The following SCUBE3 variants were observed in gnomAD, a reference collection of about 807,000 sequenced individuals.
SCUBE3 encodes signal peptide, CUB domain and EGF like domain containing 3, also known as signal peptide, CUB and EGF-like domain-containing protein 3.
Under a neutral mutation model 116.8 loss-of-function variants are expected in SCUBE3, and 33 were observed. The ratio of observed to expected loss-of-function variants is 0.28; its 90% confidence interval spans 0.21 to 0.38. The LOEUF (loss-of-function observed/expected upper bound fraction) is 0.38, where lower values mean the gene tolerates loss of function less well. SCUBE3 is among the 10% of genes least tolerant of loss of function. SCUBE3 has a pLI of 1.00. For missense variants in SCUBE3, 1,007 were observed against 1,324.8 expected (o/e 0.76, Z 3.72); for synonymous variants, 418 against 496.9 (o/e 0.84, Z 2.11).
Position 35,243,375 on chromosome 6 carries a change from C to A in SCUBE3, c.1909+139C>A. 1.1e-6 allele frequency: 1 copy of A among 896,642 alleles called. No individual in the cohort carries two copies. The highest frequency in any genetic ancestry group is 1.7e-6 in the Non-Finnish European group (1 of 585,038). 55.5% of individuals were successfully genotyped at this position (896,642 alleles called of 1,614,324 possible). On this transcript the variant is annotated intron_variant, in intron 15 of 21. Coordinates refer to ENST00000274938, the MANE Select transcript of SCUBE3 (RefSeq NM_152753.4). This position sits in a 1 kb window ranked among gnomAD's most constrained non-coding sequence, Gnocchi z 6.6. ...TGCTCCTGCCCGCTGTCCTCCCTTC[C>A]TTGGTTCCAGGCTGAAATCTAGAAG... is the stretch of plus-strand genomic sequence containing the variant.
intron 3 of SCUBE3, among the ~76,000 whole-genome samples, chr6:35,230,918 G>C (rs538607481): frequency 6.6e-6 from 1 of 152,310 alleles, no homozygotes; most frequent in South Asian, 2.1e-4. Context: ...AGCTAGCATA[G>C]AGATGGAATC....
chr6:35,239,567 C>G lies in SCUBE3; in HGVS notation c.830-185C>G, dbSNP rs1783936994. On this transcript the variant is annotated intron_variant, in intron 7 of 21. Transcript: ENST00000274938. This position sits in a 1 kb window ranked among gnomAD's most constrained non-coding sequence, Gnocchi z 4.1. ...ACAGATCCCCTGAACAGGGAAGAAA[C>G]AGAGACAGGAAAGAGAGAGAGAGAC... is the stretch of plus-strand genomic sequence containing the variant. 6.6e-6 allele frequency among the ~76,000 whole-genome samples: 1 copy of G among 151,884 alleles called. No homozygotes were observed. Among genetic ancestry groups the G allele is most frequent in the Non-Finnish European group, 1.5e-5 (1 of 67,998 alleles).
At chr6:35,236,629 T>G (rs778700491) in intron 6 of SCUBE3, among the ~76,000 whole-genome samples, 17 of 152,180 alleles carry the variant, frequency 1.1e-4, no homozygotes, top group Non-Finnish European at 1.8e-4. Context: ...CAGGGACCCA[T>G]AGAGTTAGGC....
In SCUBE3 at chr6:35,241,009, C is replaced by A; in HGVS notation, c.1070-132C>A. The A allele has an allele frequency of 1.2e-6, 1 of 820,630 alleles. No individual in the cohort carries two copies. Among genetic ancestry groups the A allele is most frequent in the South Asian group, 1.8e-5 (1 of 56,898 alleles). 50.8% of individuals were successfully genotyped at this position (820,630 alleles called of 1,614,324 possible). ...ATAGGCACACTGTTGTACAGTAGATCTCTCGAACTTATTCATCTTGCGTAA... is the reference window on the plus strand; with the variant it reads ...ATAGGCACACTGTTGTACAGTAGATATCTCGAACTTATTCATCTTGCGTAA... On this transcript the variant is annotated intron_variant, in intron 9 of 21. Coordinates refer to ENST00000274938, the MANE Select transcript of SCUBE3 (RefSeq NM_152753.4). This position sits in a 1 kb window ranked among gnomAD's most constrained non-coding sequence, Gnocchi z 4.1.
At chr6:35,246,525 A>G (rs1408574678) in intron 21 of SCUBE3, among the ~76,000 whole-genome samples, 1 of 152,180 alleles carries the variant, frequency 6.6e-6, no homozygotes, top group East Asian at 1.9e-4. Context: ...CGTCACCCAC[A>G]CTATATTACA....
At chr6:35,236,543 T>C (rs1395459590) in intron 6 of SCUBE3, among the ~76,000 whole-genome samples, 1 of 152,108 alleles carries the variant, frequency 6.6e-6, no homozygotes, top group Non-Finnish European at 1.5e-5. Context: ...GAGACTAAAG[T>C]GGAAATGGCA....
At chr6:35,242,806 GA>G in intron 14 of SCUBE3, 26 bp downstream of exon 14, 1 of 1,609,016 alleles carries the variant, frequency 6.2e-7, no homozygotes, top group African/African-American at 1.3e-5. Context: ...CTGTTGGGAA[GA>G]GGACTGGAAG....
chr6:35,246,347 A>G, intron 21 of SCUBE3, 62 bp downstream of exon 21: 1 of 1,199,412 alleles, frequency 8.3e-7, no homozygotes, highest in East Asian at 2.3e-5. Context: ...ATATATAGGC[A>G]ATAGGCTAAG....
In SCUBE3 at chr6:35,241,790, A is replaced by C. The variant is rs991399693; in HGVS notation, c.1313-16A>C. ...TGGGAAGGCAGGTCAGAACTGTGACAGGCTCCTTTTCTCAGAGTCTGAGAA... is the reference window on the plus strand; with the variant it reads ...TGGGAAGGCAGGTCAGAACTGTGACCGGCTCCTTTTCTCAGAGTCTGAGAA... On this transcript the variant is annotated splice_polypyrimidine_tract_variant and intron_variant, in intron 11 of 21. Coordinates refer to ENST00000274938, the MANE Select transcript of SCUBE3 (RefSeq NM_152753.4). This position sits in a 1 kb window ranked among gnomAD's most constrained non-coding sequence, Gnocchi z 4.1. 5 of 1,602,054 alleles carry C rather than the reference A, an allele frequency of 3.1e-6. No individual in the cohort carries two copies. The African/African-American group carries it at 5.4e-5, about 17-fold the overall frequency.
chr6:35,248,785 C>A lies in SCUBE3; in HGVS notation c.*80C>A. ...GAGCCGGCAGCCCCCTACCCTCAGA[C>A]AAGGAACTCTCTCCTCTCTTTTTGG... On this transcript the variant is annotated 3_prime_UTR_variant, in exon 22 of 22. Coordinates refer to ENST00000274938, the MANE Select transcript of SCUBE3 (RefSeq NM_152753.4). The A allele has an allele frequency of 2.8e-6, 3 of 1,088,604 alleles. No homozygotes were observed. The highest frequency in any genetic ancestry group is 1.4e-5 in the South Asian group (1 of 69,440). 67.4% of individuals were successfully genotyped at this position (1,088,604 alleles called of 1,614,324 possible).
chr6:35,243,361 G>A lies in SCUBE3; in HGVS notation c.1909+125G>A, dbSNP rs1322301914. 2.2e-5 allele frequency: 20 copies of A among 907,170 alleles called. No homozygotes were observed. The highest frequency in any genetic ancestry group is 2.9e-5 in the Non-Finnish European group (17 of 590,430). The allele number at this position is 907,170 out of a possible 1,614,324, so 56.2% of individuals were successfully genotyped here. On this transcript the variant is annotated intron_variant, in intron 15 of 21. Transcript: ENST00000274938. This position sits in a 1 kb window ranked among gnomAD's most constrained non-coding sequence, Gnocchi z 6.6. ...TGAGGCAGCCAGGATGCTCCTGCCC[G>A]CTGTCCTCCCTTCCTTGGTTCCAGG...
chr6:35,241,732 C>T lies in SCUBE3; in HGVS notation c.1312+73C>T. On this transcript the variant is annotated intron_variant, in intron 11 of 21. Transcript: ENST00000274938. The surrounding 1 kb of genome is among the most constrained non-coding windows in gnomAD (Gnocchi z 4.1). ...GGACTGGCCGTTCAGGCAGCTCCTT[C>T]ATTCCCCCTGGATTCCTCCAGCCAG... The T allele has an allele frequency of 6.7e-7, 1 of 1,502,674 alleles. No homozygotes were observed. The highest frequency in any genetic ancestry group is 9.3e-7 in the Non-Finnish European group (1 of 1,078,370). 93.1% of individuals were successfully genotyped at this position (1,502,674 alleles called of 1,614,324 possible). A position where few individuals can be genotyped will look rare whatever the true frequency, so the allele number is the denominator to read the frequency against.
chr6:35,237,907 T>G lies in SCUBE3; in HGVS notation c.718T>G (p.Cys240Gly), dbSNP rs1341562581. 2 of 1,603,344 alleles carry G rather than the reference T, an allele frequency of 1.2e-6. No individual in the cohort carries two copies. Among genetic ancestry groups the G allele is most frequent in the Non-Finnish European group, 1.7e-6 (2 of 1,170,648 alleles). The change falls in exon 7 of 22, where the codon TGT becomes GGT. Residue 240 changes from cysteine (C) to glycine (G), a missense_variant. By Grantham distance (159) the Cys-to-Gly change is radical. This residue lies in a region of SCUBE3 where 214 missense variants were observed against 316.7 expected (regional missense o/e 0.68). Transcript: ENST00000274938. ...HTDGKTCIET[C>G]AVNNGGCDSK... Reference sequence around the variant, plus strand: ...CCCACTTCCCTCCTAAACAGAGACCTGTGCTGTCAACAACGGGGGCTGTGA... The same window carrying G: ...CCCACTTCCCTCCTAAACAGAGACCGGTGCTGTCAACAACGGGGGCTGTGA...
rs1407343142 is a variant in SCUBE3, at chr6:35,231,883, C to T, written c.469+24C>T. 1.3e-6 allele frequency: 2 copies of T among 1,581,234 alleles called. No homozygotes were observed. Among genetic ancestry groups the T allele is most frequent in the Admixed American group, 1.7e-5 (1 of 59,202 alleles). On this transcript the variant is annotated intron_variant, in intron 4 of 21. Coordinates refer to ENST00000274938, the MANE Select transcript of SCUBE3 (RefSeq NM_152753.4). This position sits in a 1 kb window ranked among gnomAD's most constrained non-coding sequence, Gnocchi z 4.2. ...AGGTCAGCCCATGACCTGGGATGGC[C>T]CCATCCCTGCCCTCCCCAGGCTTCT...
chr6:35,219,651 T>A lies in SCUBE3; in HGVS notation c.85+5148T>A, dbSNP rs1013524019. ...GGAAGATCCAGGATAAGGAAACACA[T>A]CTAAGGAATCCCTCTGAAAGTGGGG... On this transcript the variant is annotated intron_variant, in intron 1 of 21. Transcript: ENST00000274938. The surrounding 1 kb of genome is among the most constrained non-coding windows in gnomAD (Gnocchi z 4.7). 6.6e-6 allele frequency among the ~76,000 whole-genome samples: 1 copy of A among 151,700 alleles called. No homozygotes were observed. The highest frequency in any genetic ancestry group is 2.4e-5 in the African/African-American group (1 of 41,218).
At position 35,226,679 on chromosome 6, in the gene SCUBE3, C is replaced by T. The variant is rs539070913; in HGVS notation, c.86-901C>T. ...TGTATTTTTAGTAGAGATGGGGTTT[C>T]ATCAAGGTCAGGCTGGTCTCGAACT... On this transcript the variant is annotated intron_variant, in intron 1 of 21. Coordinates refer to ENST00000274938, the MANE Select transcript of SCUBE3 (RefSeq NM_152753.4). 3.9e-5 allele frequency among the ~76,000 whole-genome samples: 6 copies of T among 152,116 alleles called. No homozygotes were observed. The East Asian group carries it at 1.2e-3, about 29-fold the overall frequency.
intron 3 of SCUBE3, among the ~76,000 whole-genome samples, chr6:35,230,096 G>A (rs1320808902): frequency 6.6e-6 from 1 of 152,136 alleles, no homozygotes. Context: ...GATATCTGCT[G>A]GGCCCTTAAT....
At chr6:35,238,841 CGAG>C (rs1427365133) in intron 7 of SCUBE3, among the ~76,000 whole-genome samples, 2 of 152,040 alleles carry the variant, frequency 1.3e-5, no homozygotes, top group African/African-American at 4.8e-5. Context: ...GGAGTGGGGA[CGAG>C]GAGGACTGGG....
At position 35,241,639 on chromosome 6, in the gene SCUBE3, C is replaced by G; in HGVS notation, c.1292C>G (p.Ser431Cys). The stretch of plus-strand genomic sequence containing the variant: ...GACACCTGTGCCCTGACCTGTCCCT[C>G]CAGGGCCCGATTTTTGCCAGGTACA... The part of the protein sequence containing the change: ...KKDTCALTCP[S>C]RARFLPESEN... Residue 431 changes from serine to cysteine, a missense_variant, in exon 11 of 22, where the codon TCC (serine) becomes TGC (cysteine). By Grantham distance (112) the Ser-to-Cys change is moderately radical (BLOSUM62 -1). Coordinates refer to ENST00000274938, the MANE Select transcript of SCUBE3 (RefSeq NM_152753.4). This position sits in a 1 kb window ranked among gnomAD's most constrained non-coding sequence, Gnocchi z 4.1. 6.2e-7 allele frequency: 1 copy of G among 1,613,342 alleles called. No individual in the cohort carries two copies. The highest frequency in any genetic ancestry group is 8.5e-7 in the Non-Finnish European group (1 of 1,179,246).
Sources: gnomAD v4.1 joint callset for allele counts (sites outside exome capture counted in the v4.1 genomes callset) on GRCh38, gnomAD v4.1.1 for gene constraint, gnomAD v4.1.1 regional missense constraint, Gnocchi (gnomAD v3.1) non-coding constraint, MANE v1.5 for transcripts, NCBI Gene and HGNC (gene_info 2026-07-23, HGNC 2026-07-21) for gene names.